The following CENPF variants were observed in gnomAD, a reference collection of about 807,000 sequenced individuals.
CENPF encodes the protein AH antigen.
In CENPF, 214 loss-of-function variants were observed where a neutral mutation model predicts 307.3. That is an observed-to-expected ratio of 0.70 (90% CI 0.62 to 0.78). CENPF has a LOEUF of 0.78. Among genes scored for constraint, CENPF ranks in the 30% least tolerant of loss-of-function variants. The probability of loss-of-function intolerance (pLI) is 0.00; values close to 1 mark genes in which losing one functional copy is unlikely to be tolerated. For missense variants in CENPF, 3,401 were observed against 3,483.9 expected (o/e 0.98, Z 0.60); for synonymous variants, 1,259 against 1,270.6 (o/e 0.99, Z 0.19).
At chr1:214,630,765 C>A (rs934829752) in intron 9 of CENPF, 103 bp downstream of exon 9, 3 of 1,408,726 alleles carry the variant, frequency 2.1e-6, no homozygotes, top group Non-Finnish European at 2.9e-6. Flanking sequence ...AAAGAAAAAG[C>A]GCTCCACCTT....
chr1:214,634,221 C>T (rs898431614), intron 10 of CENPF, among the ~76,000 whole-genome samples: 3 of 152,106 alleles, frequency 2.0e-5, no homozygotes, highest in South Asian at 2.1e-4. Context: ...TGTCTAGCAC[C>T]GGGCCTGGGG....
At chr1:214,606,150 C>T (rs1027974833) in intron 1 of CENPF, 168 of 1,440,840 alleles carry the variant, frequency 1.2e-4, no homozygotes, top group Non-Finnish European at 1.5e-4. Context: ...CGGGCGTCCC[C>T]GGGCCCAGCT....
intron 7 of CENPF, among the ~76,000 whole-genome samples, chr1:214,625,721 C>T (rs1052566115): frequency 1.3e-5 from 2 of 151,144 alleles, no homozygotes; most frequent in South Asian, 4.2e-4. Flanking sequence ...ATATATTTTT[C>T]AGTGAATCTC....
chr1:214,658,320 G>A (rs930306470), intron 18 of CENPF, among the ~76,000 whole-genome samples: 3 of 152,156 alleles, frequency 2.0e-5, no homozygotes, highest in African/African-American at 7.2e-5. Flanking sequence ...ACTTCCTTCT[G>A]TGGAAAGAGA....
intron 18 of CENPF, 115 bp downstream of exon 18, chr1:214,657,524 T>G (rs1658673852): frequency 2.7e-6 from 2 of 742,536 alleles, no homozygotes; most frequent in Admixed American, 5.2e-5. Context: ...ATAATCTCAT[T>G]GACGTTCATA....
chr1:214,617,564 A>G (rs1657394222), intron 3 of CENPF, among the ~76,000 whole-genome samples: 1 of 152,234 alleles, frequency 6.6e-6, no homozygotes, highest in South Asian at 2.1e-4. Flanking sequence ...ATACCTTTAT[A>G]CAGGGTGTAC....
chr1:214,639,889 A>G lies in CENPF; in HGVS notation c.1583-32A>G, dbSNP rs767197981. 6 of 1,437,724 alleles carry G rather than the reference A, an allele frequency of 4.2e-6. No individual in the cohort carries two copies. In the East Asian group the frequency reaches 1.3e-4, roughly 30 times the overall value. 89.1% of individuals were successfully genotyped at this position (1,437,724 alleles called of 1,614,324 possible). The stretch of plus-strand genomic sequence containing the variant: ...TTCTGTAGAATAAACATTTATTACA[A>G]ACATTGACGACTTTTATTTATTTTT... On this transcript the variant is annotated intron_variant, in intron 11 of 19. Transcript: ENST00000366955.
chr1:214,638,974 C>A (rs1658033502), intron 11 of CENPF, among the ~76,000 whole-genome samples: 1 of 152,208 alleles, frequency 6.6e-6, no homozygotes, highest in South Asian at 2.1e-4. Flanking sequence ...GAGTTGCTCA[C>A]AGCAAAGTGG....
Position 214,641,049 on chromosome 1 carries a change from G to A in CENPF, c.2711G>A (p.Ser904Asn). The part of the protein sequence containing the change: ...AHQNVVAETL[S>N]ALENKEKELQ... ...CAGAATGTTGTTGCTGAAACCTTAA[G>A]TGCCCTTGAGAACAAGGAAAAAGAG... Residue 904 changes from serine to asparagine, a missense_variant, in exon 12 of 20, where the codon AGT (serine) becomes AAT (asparagine). Transcript: ENST00000366955. 1 of 1,564,478 alleles carries A rather than the reference G, an allele frequency of 6.4e-7. No homozygotes were observed. The highest frequency in any genetic ancestry group is 8.6e-7 in the Non-Finnish European group (1 of 1,163,724).
chr1:214,643,473 C>T (rs1167962735), intron 12 of CENPF, 149 bp downstream of exon 12: 2 of 636,468 alleles, frequency 3.1e-6, no homozygotes, highest in Non-Finnish European at 4.6e-6. Context: ...ATTTTCAAAA[C>T]AAACCAGAAC....
Position 214,659,342 on chromosome 1 carries a change from C to T in CENPF, c.9141+314C>T, listed in dbSNP as rs1658734925. On this transcript the variant is annotated intron_variant, in intron 19 of 19. Coordinates refer to ENST00000366955, the MANE Select transcript of CENPF (RefSeq NM_016343.4). This position sits in a 1 kb window ranked among gnomAD's most constrained non-coding sequence, Gnocchi z 4.4. The stretch of plus-strand genomic sequence containing the variant: ...ATGAAGGATTTGAAGAGGTAATTTT[C>T]CCTTTCGCCACTGGTATTAGTCATT... Among the ~76,000 whole-genome samples, 4 of 152,210 alleles carry T rather than the reference C, an allele frequency of 2.6e-5. No homozygotes were observed. In the South Asian group the frequency reaches 8.3e-4, roughly 32 times the overall value.
In CENPF at chr1:214,605,687, G is replaced by A; in HGVS notation, c.-42+2366G>A. The stretch of plus-strand genomic sequence containing the variant: ...GTTGGTGCCGCCGCTAGGCGAGCTG[G>A]CTGGCAGCTCCTGGGAGATGAAGCG... On this transcript the variant is annotated intron_variant, in intron 1 of 19. Transcript: ENST00000366955. The A allele has an allele frequency of 3.8e-6, 6 of 1,588,628 alleles. No homozygotes were observed. The South Asian group carries it at 6.7e-5, about 18-fold the overall frequency.
intron 13 of CENPF, among the ~76,000 whole-genome samples, chr1:214,647,657 G>A (rs553310967): frequency 6.4e-4 from 98 of 152,242 alleles, no homozygotes; most frequent in African/African-American, 2.3e-3. Flanking sequence ...CCTACATAAG[G>A]GCAAAGCTTT....
In CENPF at chr1:214,640,589, C is replaced by T. The variant is rs199832648; in HGVS notation, c.2251C>T (p.Arg751Trp). The T allele has an allele frequency of 4.8e-5, 77 of 1,614,004 alleles. No individual in the cohort carries two copies. Among genetic ancestry groups the T allele is most frequent in the Non-Finnish European group, 6.0e-5 (71 of 1,179,940 alleles). The change falls in exon 12 of 20, where the codon CGG becomes TGG. Residue 751 changes from arginine (R) to tryptophan (W), a missense_variant. Arg to Trp is a moderately radical substitution (Grantham distance 101). Transcript: ENST00000366955. ...LLSNEIMDKD[R>W]CYQDLHAEYE... The stretch of plus-strand genomic sequence containing the variant: ...GTCAAATGAAATAATGGACAAAGAC[C>T]GGTGTTACCAAGACTTGCATGCCGA...
intron 7 of CENPF, among the ~76,000 whole-genome samples, chr1:214,627,622 C>A (rs182492713): frequency 6.6e-6 from 1 of 152,008 alleles, no homozygotes; most frequent in African/African-American, 2.4e-5. Flanking sequence ...GTGATCCGCC[C>A]AACTTGGCCT....
At chr1:214,650,369 G>A (rs1270645169) in intron 14 of CENPF, among the ~76,000 whole-genome samples, 1 of 151,272 alleles carries the variant, frequency 6.6e-6, no homozygotes, top group South Asian at 2.1e-4. Context: ...GGGTGGGAAA[G>A]GTTTGGGGTG....
intron 6 of CENPF, among the ~76,000 whole-genome samples, chr1:214,621,475 G>C (rs1343938711): frequency 3.3e-5 from 5 of 152,216 alleles, no homozygotes; most frequent in African/African-American, 1.2e-4. Flanking sequence ...ATAATTTCCA[G>C]TGCTGTGATA....
At chr1:214,617,112 C>T (rs955649691) in intron 3 of CENPF, among the ~76,000 whole-genome samples, 1 of 151,128 alleles carries the variant, frequency 6.6e-6, no homozygotes, top group African/African-American at 2.4e-5. Flanking sequence ...AGTGCTGTGG[C>T]ACAGTTTCAG....
intron 14 of CENPF, 30 bp downstream of exon 14, chr1:214,648,857 GA>G: frequency 6.2e-7 from 1 of 1,606,482 alleles, no homozygotes; most frequent in Non-Finnish European, 8.5e-7. Flanking sequence ...GTGTTATTAT[GA>G]TCTGTTAATT....
Sources: gnomAD v4.1 joint callset for allele counts (sites outside exome capture counted in the v4.1 genomes callset) on GRCh38, gnomAD v4.1.1 for gene constraint, Gnocchi (gnomAD v3.1) non-coding constraint, MANE v1.5 for transcripts, NCBI Gene and HGNC (gene_info 2026-07-23, HGNC 2026-07-21) for gene names.